The following ZFAT variants were observed in gnomAD, a reference collection of about 807,000 sequenced individuals.
ZFAT encodes zinc finger protein ZFAT.
Under a neutral mutation model 117.7 loss-of-function variants are expected in ZFAT, and 64 were observed. The observed-to-expected ratio is 0.54, with a 90% CI of 0.44 to 0.67. The LOEUF (loss-of-function observed/expected upper bound fraction) is 0.67. Among genes scored for constraint, ZFAT ranks in the 30% least tolerant of loss-of-function variants. The pLI, the probability that ZFAT is intolerant of heterozygous loss-of-function variation, is 0.00. For missense variants in ZFAT, 1,433 were observed against 1,584.5 expected, an observed-to-expected ratio of 0.90 and a Z score of 1.62; for synonymous variants, 679 against 615.0, an observed-to-expected ratio of 1.10 and a Z score of -1.54.
At chr8:134,666,804 A>C (rs1832248056) in intron 1 of ZFAT, among the ~76,000 whole-genome samples, 1 of 152,216 alleles carries the variant, frequency 6.6e-6, no homozygotes, top group Admixed American at 6.5e-5. Context: ...TATGAGTCCC[A>C]AAAAAAGAAA....
intron 10 of ZFAT, among the ~76,000 whole-genome samples, chr8:134,566,667 G>T (rs1011310952): frequency 6.6e-6 from 1 of 152,194 alleles, no homozygotes; most frequent in Admixed American, 6.5e-5. Context: ...TCCCAGAAGT[G>T]CTGGCTCCTC....
In ZFAT at chr8:134,602,683, C is replaced by G. The variant is rs1454438122; in HGVS notation, c.1036G>C (p.Glu346Gln). 1.2e-6 allele frequency: 2 copies of G among 1,614,060 alleles called. No individual in the cohort carries two copies. The highest frequency in any genetic ancestry group is 1.7e-6 in the Non-Finnish European group (2 of 1,180,034). Residue 346 changes from glutamate to glutamine, a missense_variant, in exon 6 of 16, where the codon GAG becomes CAG. By Grantham distance (29) the Glu-to-Gln change is conservative (BLOSUM62 2). Around this residue, in one of 5 missense-constraint regions of ZFAT, gnomAD observed 436 missense variants for 482.0 expected, o/e 0.90. Coordinates refer to ENST00000377838, the MANE Select transcript of ZFAT (RefSeq NM_020863.4). ...LSKGHLKVHI[E>Q]RVHKKIKQHC... Reference sequence around the variant, plus strand: ...TGCTTGATCTTCTTGTGCACTCGCTCGATGTGCACCTTGAGGTGGCCCTTG... The same window carrying G: ...TGCTTGATCTTCTTGTGCACTCGCTGGATGTGCACCTTGAGGTGGCCCTTG...
chr8:134,668,041 G>A (rs1356649704), intron 1 of ZFAT, among the ~76,000 whole-genome samples: 1 of 152,140 alleles, frequency 6.6e-6, no homozygotes, highest in Admixed American at 6.5e-5. Context: ...GAACTGCAAG[G>A]CGGCACTGAG....
At chr8:134,821,301 T>C in the ZFAT span, among the ~76,000 whole-genome samples, 11 of 152,148 alleles carry the variant, frequency 7.2e-5, no homozygotes, top group Non-Finnish European at 1.6e-4. Context: ...TAGTTGATTA[T>C]AAGCTGAATG....
At chr8:134,800,763 G>T in the ZFAT span, among the ~76,000 whole-genome samples, 1 of 152,164 alleles carries the variant, frequency 6.6e-6, no homozygotes, top group Non-Finnish European at 1.5e-5. Context: ...AAAGGCAGAA[G>T]TGAGTTGGGT....
At chr8:134,831,422 C>T in the ZFAT span, among the ~76,000 whole-genome samples, 3 of 152,210 alleles carry the variant, frequency 2.0e-5, no homozygotes, top group Non-Finnish European at 4.4e-5. Context: ...GGCATAGCAA[C>T]GTGCACACAT....
the ZFAT span, among the ~76,000 whole-genome samples, chr8:134,807,929 C>T: frequency 2.0e-5 from 3 of 152,092 alleles, no homozygotes; most frequent in Non-Finnish European, 4.4e-5. Context: ...GATGAAAAGG[C>T]TTCCTGTTCT....
At chr8:134,538,559 A>G (rs1344227426) in intron 11 of ZFAT, among the ~76,000 whole-genome samples, 1 of 152,154 alleles carries the variant, frequency 6.6e-6, no homozygotes, top group African/African-American at 2.4e-5. Context: ...GTATTTTGGG[A>G]GGCTGAGGCG....
In ZFAT at chr8:134,601,623, G is replaced by T; in HGVS notation, c.2096C>A (p.Pro699His). The T allele has an allele frequency of 6.2e-7, 1 of 1,614,248 alleles. No individual in the cohort carries two copies. The highest frequency in any genetic ancestry group is 8.5e-7 in the Non-Finnish European group (1 of 1,180,046). ...CTCAGGGGCAGCTTTGCAAGAGTCA[G>T]GCTGATGTGTGATGGTGTCCCCACC... ...AGGGDTITHQ[P>H]DSCKAAPEHR... The change falls in exon 6 of 16, where the codon CCT becomes CAT. Residue 699 changes from proline (P) to histidine (H), a missense_variant. Physicochemically the swap from Pro to His is moderately conservative, Grantham distance 77. This residue lies in a region of ZFAT where 372 missense variants were observed against 355.6 expected (regional missense o/e 1.05). Coordinates refer to ENST00000377838, the MANE Select transcript of ZFAT (RefSeq NM_020863.4).
intron 1 of ZFAT, among the ~76,000 whole-genome samples, chr8:134,660,004 G>A (rs1375208798): frequency 2.6e-5 from 4 of 152,164 alleles, no homozygotes; most frequent in East Asian, 3.8e-4. Context: ...ACTGCCAATC[G>A]ATATTATTTT....
chr8:134,815,582 G>C, the ZFAT span, among the ~76,000 whole-genome samples: 4 of 151,922 alleles, frequency 2.6e-5, no homozygotes, highest in African/African-American at 7.2e-5. Flanking sequence ...ATTGTGGCTT[G>C]TAAGACCCTA....
chr8:134,565,159 C>A, intron 11 of ZFAT, 174 bp downstream of exon 11: 1 of 1,531,084 alleles, frequency 6.5e-7, no homozygotes, highest in Non-Finnish European at 8.7e-7. Flanking sequence ...GCTTCTGGAA[C>A]GAGAGAGCAC....
intron 15 of ZFAT, among the ~76,000 whole-genome samples, chr8:134,481,045 A>C (rs532999032): frequency 1.3e-5 from 2 of 152,368 alleles, no homozygotes; most frequent in African/African-American, 4.8e-5. Context: ...TTCTGAGTGG[A>C]AACTATCAAT....
the ZFAT span, among the ~76,000 whole-genome samples, chr8:134,742,638 G>C: frequency 1.3e-5 from 2 of 152,112 alleles, no homozygotes; most frequent in Non-Finnish European, 2.9e-5. Context: ...CTGCTACCAC[G>C]CAATTATTTC....
the ZFAT span, among the ~76,000 whole-genome samples, chr8:134,811,045 A>C: frequency 6.6e-6 from 1 of 152,190 alleles, no homozygotes; most frequent in African/African-American, 2.4e-5. Flanking sequence ...GAAGAGAGAA[A>C]CAACCGTCAG....
intron 1 of ZFAT, among the ~76,000 whole-genome samples, chr8:134,669,243 T>C (rs978521959): frequency 6.6e-6 from 1 of 152,080 alleles, no homozygotes; most frequent in Non-Finnish European, 1.5e-5. Flanking sequence ...ATTCAGGAAA[T>C]ACAGAGAATG....
chr8:134,593,866 A>AGAGGTGTGAGACTCT (rs1366815063), intron 7 of ZFAT, among the ~76,000 whole-genome samples: 1 of 152,248 alleles, frequency 6.6e-6, no homozygotes, highest in African/African-American at 2.4e-5. Flanking sequence ...GCAATGAGGA[A>AGAGGTGTGAGACTCT]GAGGTGTGAG....
intron 10 of ZFAT, among the ~76,000 whole-genome samples, chr8:134,582,718 C>T (rs1015913747): frequency 6.6e-6 from 1 of 152,120 alleles, no homozygotes; most frequent in Non-Finnish European, 1.5e-5. Flanking sequence ...TCAGCCTTTG[C>T]ACTGAGTCCC....
At chr8:134,560,944 C>T (rs1824004412) in intron 11 of ZFAT, among the ~76,000 whole-genome samples, 1 of 152,242 alleles carries the variant, frequency 6.6e-6, no homozygotes, top group Non-Finnish European at 1.5e-5. Context: ...TCTGGCACCT[C>T]TTTTAAGGTT....
Sources: allele counts gnomAD v4.1 joint callset (sites outside exome capture counted in the v4.1 genomes callset), GRCh38; gene constraint gnomAD v4.1.1; regional missense constraint gnomAD v4.1.1; transcripts MANE v1.5; gene names NCBI Gene and HGNC (gene_info 2026-07-23, HGNC 2026-07-21).